Variants in RCAN2 observed in about 807,000 individuals in gnomAD.
The protein encoded by RCAN2 is calcipressin-2.
In RCAN2, 9 loss-of-function variants were observed where a neutral mutation model predicts 23.6. That is an observed-to-expected ratio of 0.38 (90% CI 0.23 to 0.67). The LOEUF (loss-of-function observed/expected upper bound fraction) is 0.67, where lower values mean the gene tolerates loss of function less well. Ranked by LOEUF, RCAN2 falls within the 30% of genes least tolerant of loss-of-function variation. RCAN2 has a pLI of 0.51. For missense variants in RCAN2, 273 were observed against 302.3 expected, an observed-to-expected ratio of 0.90 and a Z score of 0.72; for synonymous variants, 109 against 115.7, an observed-to-expected ratio of 0.94 and a Z score of 0.37.
chr6:46,408,346 C>A (rs757017681), intron 2 of RCAN2, among the ~76,000 whole-genome samples: 1 of 152,118 alleles, frequency 6.6e-6, no homozygotes, highest in Non-Finnish European at 1.5e-5. Flanking sequence ...TACCAGCTGG[C>A]GAGTCGCTCA....
intron 2 of RCAN2, among the ~76,000 whole-genome samples, chr6:46,383,324 G>A (rs144475903): frequency 0.012 from 1,752 of 152,030 alleles, 15 homozygotes; most frequent in Non-Finnish European, 0.017. Context: ...AGTGGAGGAG[G>A]AAGCGTATCT....
chr6:46,424,584 C>T (rs867800210), intron 2 of RCAN2, among the ~76,000 whole-genome samples: 1 of 151,942 alleles, frequency 6.6e-6, no homozygotes. Flanking sequence ...ATGAGTTGAC[C>T]CCTCTATACC....
chr6:46,335,851 T>C (rs1764124166), intron 2 of RCAN2, among the ~76,000 whole-genome samples: 1 of 152,216 alleles, frequency 6.6e-6, no homozygotes, highest in Non-Finnish European at 1.5e-5. Flanking sequence ...GAATTTATCA[T>C]CCTATCATAC....
intron 4 of RCAN2, among the ~76,000 whole-genome samples, chr6:46,229,526 C>T (rs1765802464): frequency 6.6e-6 from 1 of 152,152 alleles, no homozygotes. Context: ...ATTTGATCTT[C>T]AATCACTGAT....
At chr6:46,325,398 C>T in intron 2 of RCAN2, 1 of 1,614,178 alleles carries the variant, frequency 6.2e-7, no homozygotes, top group Non-Finnish European at 8.5e-7. Context: ...CATACCTTAA[C>T]CTCCTGATTG....
At chr6:46,414,819 T>C (rs1441750511) in intron 2 of RCAN2, among the ~76,000 whole-genome samples, 2 of 152,218 alleles carry the variant, frequency 1.3e-5, no homozygotes, top group Non-Finnish European at 2.9e-5. Flanking sequence ...TGCACACATA[T>C]ATATATTCAT....
chr6:46,405,105 C>G lies in RCAN2; in HGVS notation c.225+51647G>C, dbSNP rs1339624536. 5.3e-5 allele frequency among the ~76,000 whole-genome samples: 8 copies of G among 152,254 alleles called. No individual in the cohort carries two copies. The East Asian group carries it at 1.4e-3, about 26-fold the overall frequency. ...CTTCAAGAATGAAGCCGCGGACCCT[C>G]GCGGTGAGTGTTACAGCTCTTAAGG... On this transcript the variant is annotated intron_variant, in intron 2 of 4. Coordinates refer to ENST00000371374, the MANE Select transcript of RCAN2 (RefSeq NM_001251974.2).
chr6:46,232,790 CAAAAA>C (rs35457944), intron 4 of RCAN2, among the ~76,000 whole-genome samples: 1 of 89,208 alleles, frequency 1.1e-5, no homozygotes, highest in Admixed American at 1.4e-4. Flanking sequence ...AAGACTGTCT[CAAAAA>C]AAAAAAAAAA....
At chr6:46,406,312 G>C (rs1485471344) in intron 2 of RCAN2, among the ~76,000 whole-genome samples, 1 of 152,242 alleles carries the variant, frequency 6.6e-6, no homozygotes, top group Non-Finnish European at 1.5e-5. Flanking sequence ...AGGAGTGCCA[G>C]CACGCTGTCA....
At chr6:46,370,416 T>A (rs1321276223) in intron 2 of RCAN2, among the ~76,000 whole-genome samples, 1 of 152,186 alleles carries the variant, frequency 6.6e-6, no homozygotes, top group Non-Finnish European at 1.5e-5. Context: ...CCCTATGGAA[T>A]GCACCTCCCT....
chr6:46,237,919 G>A (rs192622873), intron 4 of RCAN2, among the ~76,000 whole-genome samples: 6 of 152,330 alleles, frequency 3.9e-5, no homozygotes, highest in Admixed American at 6.5e-5. Context: ...TGCCAACCAT[G>A]TGAGTGAACC....
At chr6:46,381,468 G>A (rs895058995) in intron 2 of RCAN2, among the ~76,000 whole-genome samples, 1 of 152,112 alleles carries the variant, frequency 6.6e-6, no homozygotes, top group East Asian at 1.9e-4. Context: ...AGAATGAACA[G>A]GAGATGAGCT....
At position 46,455,171 on chromosome 6, in the gene RCAN2, C is replaced by G. The variant is rs530975046; in HGVS notation, c.225+1581G>C. Among the ~76,000 whole-genome samples the G allele has an allele frequency of 2.0e-5, 3 of 152,256 alleles. No homozygotes were observed. The South Asian group carries it at 6.2e-4, about 32-fold the overall frequency. ...TGATAATCTGGTTATAATCCAAGAACAAAATTCTCAGTTTCTTCCAAAGAA... is the reference window on the plus strand; with the variant it reads ...TGATAATCTGGTTATAATCCAAGAAGAAAATTCTCAGTTTCTTCCAAAGAA... On this transcript the variant is annotated intron_variant, in intron 2 of 4. Coordinates refer to ENST00000371374, the MANE Select transcript of RCAN2 (RefSeq NM_001251974.2).
chr6:46,452,990 A>C (rs1026065735), intron 2 of RCAN2, among the ~76,000 whole-genome samples: 1 of 152,156 alleles, frequency 6.6e-6, no homozygotes, highest in African/African-American at 2.4e-5. Flanking sequence ...AATTTGGCTA[A>C]ACATTTCAGT....
intron 2 of RCAN2, among the ~76,000 whole-genome samples, chr6:46,383,720 G>A (rs1386976477): frequency 6.6e-6 from 1 of 152,080 alleles, no homozygotes; most frequent in African/African-American, 2.4e-5. Flanking sequence ...TGCCACATGT[G>A]GCTACTGGCC....
chr6:46,425,603 C>T (rs1716042745), intron 2 of RCAN2, among the ~76,000 whole-genome samples: 1 of 152,048 alleles, frequency 6.6e-6, no homozygotes, highest in Non-Finnish European at 1.5e-5. Flanking sequence ...CTGATGTCTT[C>T]TTGCTCATTT....
At chr6:46,344,555 C>T (rs2150374728) in intron 2 of RCAN2, among the ~76,000 whole-genome samples, 1 of 151,910 alleles carries the variant, frequency 6.6e-6, no homozygotes, top group African/African-American at 2.4e-5. Context: ...TGACAAAACA[C>T]AAATATTGAG....
chr6:46,340,600 T>A (rs1257471888), intron 2 of RCAN2, among the ~76,000 whole-genome samples: 1 of 152,146 alleles, frequency 6.6e-6, no homozygotes, highest in East Asian at 1.9e-4. Context: ...TTTGAAGGAC[T>A]CCATGGAGCA....
chr6:46,467,166 C>A (rs1768409324), intron 1 of RCAN2, among the ~76,000 whole-genome samples: 1 of 152,200 alleles, frequency 6.6e-6, no homozygotes, highest in African/African-American at 2.4e-5. Context: ...GGAGCTGTGT[C>A]TTACCTGCCT....
Sources: gnomAD v4.1 joint callset for allele counts (sites outside exome capture counted in the v4.1 genomes callset) on GRCh38, gnomAD v4.1.1 for gene constraint, MANE v1.5 for transcripts, NCBI Gene and HGNC (gene_info 2026-07-23, HGNC 2026-07-21) for gene names.